Variants in FSTL5 observed in about 807,000 individuals in gnomAD.
FSTL5 encodes follistatin like 5, also known as follistatin-related protein 5.
Under a neutral mutation model 89.1 loss-of-function variants are expected in FSTL5, and 62 were observed. The ratio of observed to expected loss-of-function variants is 0.70; its 90% CI spans 0.57 to 0.86. FSTL5 has a LOEUF of 0.86. Ranked by LOEUF, FSTL5 falls within the 40% of genes least tolerant of loss-of-function variation. FSTL5 has a pLI of 0.00. For synonymous variants in FSTL5, 383 were observed against 346.2 expected, an observed-to-expected ratio of 1.11 and a Z score of -1.18; for missense variants, 1,057 against 1,001.6, an observed-to-expected ratio of 1.06 and a Z score of -0.75.
At chr4:161,915,320 T>C (rs759227608) in intron 4 of FSTL5, among the ~76,000 whole-genome samples, 1 of 149,664 alleles carries the variant, frequency 6.7e-6, no homozygotes, top group Non-Finnish European at 1.5e-5. Context: ...CCTACCTGTC[T>C]CTCTTCTCTT....
chr4:162,051,106 A>G (rs1025592423), intron 2 of FSTL5, among the ~76,000 whole-genome samples: 3 of 151,544 alleles, frequency 2.0e-5, no homozygotes, highest in African/African-American at 7.2e-5. Context: ...GCAGGGGAGG[A>G]TGTGTATGTG....
intron 4 of FSTL5, among the ~76,000 whole-genome samples, chr4:161,919,368 T>C (rs970609793): frequency 3.3e-5 from 5 of 152,276 alleles, no homozygotes; most frequent in South Asian, 2.1e-4. Flanking sequence ...GCATTGCATC[T>C]TGCATCATCT....
At chr4:162,010,181 C>A (rs1168180714) in intron 3 of FSTL5, among the ~76,000 whole-genome samples, 1 of 151,906 alleles carries the variant, frequency 6.6e-6, no homozygotes, top group Non-Finnish European at 1.5e-5. Context: ...TTGTATCAGG[C>A]AATGTATCAC....
intron 6 of FSTL5, among the ~76,000 whole-genome samples, chr4:161,686,319 TATATATATATATATATATATATATATA>T (rs1737717491): frequency 0.014 from 63 of 4,528 alleles, no homozygotes; most frequent in African/African-American, 0.043. Flanking sequence ...TATATATATA[TATATATATATATATATATATATATATA>T]TTTTTTTTTT....
chr4:161,700,589 G>T (rs2126729299), intron 6 of FSTL5, among the ~76,000 whole-genome samples: 1 of 151,970 alleles, frequency 6.6e-6, no homozygotes, highest in East Asian at 1.9e-4. Flanking sequence ...TTTGCCCAGG[G>T]TGGTCTCGAA....
chr4:161,459,419 A>T (rs978159525), intron 13 of FSTL5, 100 bp from the exon 14 acceptor site: 27 of 674,236 alleles, frequency 4.0e-5, no homozygotes, highest in South Asian at 1.3e-4. Context: ...TCAGATTAAA[A>T]ATTTAATTTG....
intron 2 of FSTL5, among the ~76,000 whole-genome samples, chr4:162,053,899 T>C (rs2111263525): frequency 6.6e-6 from 1 of 151,896 alleles, no homozygotes; most frequent in African/African-American, 2.4e-5. Context: ...TAGTTCCTGT[T>C]CTATGCAAAT....
At chr4:161,779,823 A>ATG (rs1741591806) in intron 4 of FSTL5, among the ~76,000 whole-genome samples, 5 of 106,768 alleles carry the variant, frequency 4.7e-5, no homozygotes, top group East Asian at 5.5e-4. Flanking sequence ...ATATATATAT[A>ATG]TATATATATA....
chr4:161,993,146 A>G (rs928891550), intron 3 of FSTL5, among the ~76,000 whole-genome samples: 5 of 151,328 alleles, frequency 3.3e-5, no homozygotes, highest in African/African-American at 9.7e-5. Context: ...TTTATTTGTC[A>G]ATACTTATTT....
chr4:161,754,339 G>A lies in FSTL5; in HGVS notation c.727+5072C>T, dbSNP rs1345411503. Among the ~76,000 whole-genome samples, 12 of 152,156 alleles carry A rather than the reference G, an allele frequency of 7.9e-5. No homozygotes were observed. In the East Asian group the frequency reaches 1.7e-3, roughly 22 times the overall value. ...AATTAATAGAAATTTTTAAAAGTGT[G>A]ACATTAGAAGTTGAACACACAAAAA... On this transcript the variant is annotated intron_variant, in intron 6 of 15. Transcript: ENST00000306100.
intron 3 of FSTL5, among the ~76,000 whole-genome samples, chr4:161,962,428 C>A (rs1231214352): frequency 6.6e-6 from 1 of 151,952 alleles, no homozygotes; most frequent in Non-Finnish European, 1.5e-5. Context: ...AATCACTTTT[C>A]TTCTATCGTA....
At chr4:161,493,303 C>A (rs114735670) in intron 12 of FSTL5, among the ~76,000 whole-genome samples, 1 of 151,524 alleles carries the variant, frequency 6.6e-6, no homozygotes, top group Admixed American at 6.6e-5. Flanking sequence ...AGAACACGAA[C>A]AGATAATATT....
At chr4:161,779,775 G>T (rs6816176) in intron 4 of FSTL5, among the ~76,000 whole-genome samples, 265 of 25,276 alleles carry the variant, frequency 0.01, 20 homozygotes, top group Middle Eastern at 0.045. Context: ...ATATATATAT[G>T]TATATATATA....
At chr4:162,056,950 C>A (rs1344655681) in intron 2 of FSTL5, among the ~76,000 whole-genome samples, 3 of 152,200 alleles carry the variant, frequency 2.0e-5, no homozygotes, top group Non-Finnish European at 2.9e-5. Flanking sequence ...CTTCAGACAT[C>A]TGTTGTGAAT....
At chr4:161,497,017 G>A (rs1730110493) in intron 12 of FSTL5, among the ~76,000 whole-genome samples, 1 of 152,242 alleles carries the variant, frequency 6.6e-6, no homozygotes, top group Non-Finnish European at 1.5e-5. Context: ...ATATTATTAA[G>A]AGAATGTAGC....
At chr4:162,104,379 C>G (rs1015887855) in intron 2 of FSTL5, among the ~76,000 whole-genome samples, 3 of 152,164 alleles carry the variant, frequency 2.0e-5, no homozygotes, top group Non-Finnish European at 4.4e-5. Flanking sequence ...TCAGAGAACA[C>G]GAGGCTTGCC....
At chr4:161,866,312 C>T (rs1254847630) in intron 4 of FSTL5, among the ~76,000 whole-genome samples, 1 of 152,118 alleles carries the variant, frequency 6.6e-6, no homozygotes, top group South Asian at 2.1e-4. Context: ...GTTTCTGTGA[C>T]ACATGCCTTT....
chr4:161,960,540 G>A (rs1340029902), intron 3 of FSTL5, among the ~76,000 whole-genome samples: 1 of 151,722 alleles, frequency 6.6e-6, no homozygotes, highest in Non-Finnish European at 1.5e-5. Context: ...AAATTATAGA[G>A]TACTAAGATG....
chr4:161,734,948 CCT>C lies in FSTL5; in HGVS notation c.727+24461_727+24462del, dbSNP rs759461927. 5.3e-5 allele frequency among the ~76,000 whole-genome samples: 8 copies of C among 152,092 alleles called. No individual in the cohort carries two copies. The East Asian group carries it at 5.8e-4, about 11-fold the overall frequency. On this transcript the variant is annotated intron_variant, in intron 6 of 15. Transcript: ENST00000306100. ...AACTCTGTGAACCCCAGCCAGGTAT[CCT>C]CCAACTCAATTCATTTCCAACAGTT...
Sources: allele counts gnomAD v4.1 joint callset (sites outside exome capture counted in the v4.1 genomes callset), GRCh38; gene constraint gnomAD v4.1.1; transcripts MANE v1.5; gene names NCBI Gene and HGNC (gene_info 2026-07-23, HGNC 2026-07-21).